The following IL1RAPL2 variants were observed in gnomAD, a reference collection of about 807,000 sequenced individuals.
IL1RAPL2 encodes the protein X-linked interleukin-1 receptor accessory protein-like 2.
In IL1RAPL2, 3 loss-of-function variants were observed where a neutral mutation model predicts 44.1. The observed-to-expected ratio is 0.07, with a 90% CI of 0.03 to 0.18. The LOEUF (loss-of-function observed/expected upper bound fraction) is 0.18. IL1RAPL2 is among the 10% of genes least tolerant of loss of function. The probability of loss-of-function intolerance (pLI) is 1.00; values close to 1 mark genes in which losing one functional copy is unlikely to be tolerated. For synonymous variants in IL1RAPL2, 181 were observed against 178.8 expected (o/e 1.01, Z -0.10); for missense variants, 391 against 496.4 (o/e 0.79, Z 2.02).
intron 2 of IL1RAPL2, among the ~76,000 whole-genome samples, chrX:104,757,033 AAG>A (rs778435442): frequency 4.6e-5 from 5 of 109,323 alleles, no homozygotes; most frequent in African/African-American, 1.3e-4. Flanking sequence ...ATCCAAGAGA[AAG>A]AGAGAGAGAG....
chrX:104,707,697 A>C (rs1386408117), intron 2 of IL1RAPL2, among the ~76,000 whole-genome samples: 2 of 111,599 alleles, frequency 1.8e-5, no homozygotes, highest in African/African-American at 6.5e-5. Context: ...ATATATCTTA[A>C]GTGTTTTGAA....
At chrX:104,706,807 GA>G (rs1168137091) in intron 2 of IL1RAPL2, among the ~76,000 whole-genome samples, 2 of 111,667 alleles carry the variant, frequency 1.8e-5, no homozygotes, top group Non-Finnish European at 3.8e-5. Context: ...GCTAGAAATG[GA>G]ATCTATGTGG....
intron 2 of IL1RAPL2, among the ~76,000 whole-genome samples, chrX:104,824,673 C>A (rs1185312923): frequency 9.0e-6 from 1 of 111,626 alleles, no homozygotes; most frequent in African/African-American, 3.3e-5. Flanking sequence ...TTTATTTGCA[C>A]AGAGGTGTTT....
intron 1 of IL1RAPL2, among the ~76,000 whole-genome samples, chrX:104,648,319 T>C (rs1930086136): frequency 8.9e-6 from 1 of 112,360 alleles, no homozygotes; most frequent in Non-Finnish European, 1.9e-5. Context: ...TCACAATGCA[T>C]ACTGCATTGA....
intron 2 of IL1RAPL2, among the ~76,000 whole-genome samples, chrX:104,923,743 A>C (rs948136640): frequency 2.7e-5 from 3 of 111,518 alleles, no homozygotes; most frequent in African/African-American, 9.8e-5. Context: ...GCAGTTACAC[A>C]GTTGAGACTT....
chrX:105,397,108 G>A (rs777417971), intron 5 of IL1RAPL2, among the ~76,000 whole-genome samples: 1 of 110,964 alleles, frequency 9.0e-6, no homozygotes, highest in South Asian at 3.8e-4. Flanking sequence ...ATCTGTCACT[G>A]TCTCCCATCA....
intron 1 of IL1RAPL2, among the ~76,000 whole-genome samples, chrX:104,582,638 TTC>T (rs759890036): frequency 4.7e-4 from 40 of 84,507 alleles, no homozygotes; most frequent in African/African-American, 2.2e-3. Flanking sequence ...CTTTCTTTCT[TTC>T]TCTCTTTCTT....
intron 2 of IL1RAPL2, among the ~76,000 whole-genome samples, chrX:104,761,866 T>C (rs1602715256): frequency 2.4e-5 from 1 of 40,823 alleles, no homozygotes; most frequent in Non-Finnish European, 3.9e-5. Context: ...TCCTTCTCCT[T>C]CTCCTTCTCC....
At chrX:105,609,686 G>C (rs1223217240) in intron 6 of IL1RAPL2, among the ~76,000 whole-genome samples, 1 of 111,201 alleles carries the variant, frequency 9.0e-6, no homozygotes, top group Non-Finnish European at 1.9e-5. Context: ...ATTATAGTTA[G>C]CGAGTGAGTG....
chrX:104,727,887 A>G (rs1931828877), intron 2 of IL1RAPL2, among the ~76,000 whole-genome samples: 1 of 110,242 alleles, frequency 9.1e-6, no homozygotes, highest in African/African-American at 3.3e-5. Context: ...GTTCTCACTT[A>G]TAAGTGTGAG....
chrX:105,138,748 T>C (rs1372454306), intron 2 of IL1RAPL2, among the ~76,000 whole-genome samples: 1 of 111,353 alleles, frequency 9.0e-6, no homozygotes, highest in African/African-American at 3.3e-5. Flanking sequence ...GGGTAGTGGA[T>C]AGCATTTCTT....
intron 2 of IL1RAPL2, among the ~76,000 whole-genome samples, chrX:104,935,765 T>C (rs1925010430): frequency 8.9e-6 from 1 of 111,972 alleles, no homozygotes; most frequent in Non-Finnish European, 1.9e-5. Flanking sequence ...GACTGGATAC[T>C]TTCCAAGACT....
At chrX:104,703,077 C>T (rs1432050742) in intron 2 of IL1RAPL2, among the ~76,000 whole-genome samples, 2 of 111,291 alleles carry the variant, frequency 1.8e-5, no homozygotes, top group Non-Finnish European at 3.8e-5. Context: ...TATACCATCC[C>T]TGGTCCCGAG....
intron 6 of IL1RAPL2, among the ~76,000 whole-genome samples, chrX:105,704,837 C>T (rs760061050): frequency 1.8e-5 from 2 of 109,920 alleles, no homozygotes; most frequent in African/African-American, 6.6e-5. Flanking sequence ...TTACTATATA[C>T]GATGTAACCA....
At chrX:105,248,928 A>C (rs769092323) in intron 4 of IL1RAPL2, among the ~76,000 whole-genome samples, 16 of 111,586 alleles carry the variant, frequency 1.4e-4, no homozygotes, top group Admixed American at 9.5e-4. Flanking sequence ...TATGGAGAAC[A>C]GTTTGGAGGT....
chrX:104,729,177 CAT>C lies in IL1RAPL2; in HGVS notation c.82+70184_82+70185del, dbSNP rs757355307. On this transcript the variant is annotated intron_variant, in intron 2 of 10. Transcript: ENST00000372582. ...AAAATAAAAAGAGTGATAAGTAAGA[CAT>C]ACAATGGTAGAAATAAATTCAAGTA... 8.1e-5 allele frequency among the ~76,000 whole-genome samples: 9 copies of C among 111,478 alleles called. No homozygotes were observed. In the East Asian group the frequency reaches 2.5e-3, roughly 32 times the overall value.
chrX:105,332,022 C>G (rs1044677441), intron 5 of IL1RAPL2, among the ~76,000 whole-genome samples: 6 of 109,404 alleles, frequency 5.5e-5, no homozygotes, highest in Non-Finnish European at 9.5e-5. Context: ...CAAGTGACAA[C>G]AAGTAGGCAG....
intron 2 of IL1RAPL2, among the ~76,000 whole-genome samples, chrX:105,006,274 G>A (rs755016815): frequency 9.1e-6 from 1 of 110,234 alleles, no homozygotes; most frequent in East Asian, 2.9e-4. Context: ...AAAGGAGGGG[G>A]AAAGCAAATG....
chrX:105,387,278 A>C (rs1165222246), intron 5 of IL1RAPL2, among the ~76,000 whole-genome samples: 1 of 96,497 alleles, frequency 1.0e-5, no homozygotes, highest in Non-Finnish European at 2.0e-5. Context: ...TCTGTTGCCT[A>C]GGCTGGAGTG....
Sources: gnomAD v4.1 joint callset for allele counts (sites outside exome capture counted in the v4.1 genomes callset) on GRCh38, gnomAD v4.1.1 for gene constraint, MANE v1.5 for transcripts, NCBI Gene and HGNC (gene_info 2026-07-23, HGNC 2026-07-21) for gene names.